SEMA5A: variants seen among roughly 807,000 people sequenced by gnomAD.
The protein encoded by SEMA5A is semaphorin 5A.
A neutral mutation model predicts 135.5 loss-of-function variants in SEMA5A; 55 were observed. The observed-to-expected ratio is 0.41, with a 90% CI of 0.33 to 0.51. The LOEUF (loss-of-function observed/expected upper bound fraction) is 0.51, where lower values mean the gene tolerates loss of function less well. Among genes scored for constraint, SEMA5A ranks in the 20% least tolerant of loss-of-function variants. The pLI, the probability that SEMA5A is intolerant of heterozygous loss-of-function variation, is 0.37. For synonymous variants in SEMA5A, 580 were observed against 546.5 expected (o/e 1.06, Z -0.85); for missense variants, 1,290 against 1,419.9 (o/e 0.91, Z 1.47).
At chr5:9,182,708 A>G (rs757999938) in intron 11 of SEMA5A, among the ~76,000 whole-genome samples, 1 of 150,822 alleles carries the variant, frequency 6.6e-6, no homozygotes, top group Non-Finnish European at 1.5e-5. Flanking sequence ...CAATGCAATG[A>G]CATCTAGAAT....
rs116838978 is a variant in SEMA5A, at chr5:9,436,303, C to G, written c.-78+1453G>C. 2.8e-3 allele frequency among the ~76,000 whole-genome samples: 422 copies of G among 152,350 alleles called. 5 individuals carry two copies. The highest frequency in any genetic ancestry group is 9.2e-3 in the African/African-American group (382 of 41,578). Reference sequence around the variant, plus strand: ...GCTCCATGTGGTCATTCTTCCAGCTCTCAGGTGCTGTGGTTCTCCATGGGG... The same window carrying G: ...GCTCCATGTGGTCATTCTTCCAGCTGTCAGGTGCTGTGGTTCTCCATGGGG... On this transcript the variant is annotated intron_variant, in intron 2 of 22. Transcript: ENST00000382496.
At chr5:9,070,562 T>G (rs1737719000) in intron 16 of SEMA5A, among the ~76,000 whole-genome samples, 1 of 152,184 alleles carries the variant, frequency 6.6e-6, no homozygotes, top group Non-Finnish European at 1.5e-5. Flanking sequence ...TCTATGGAGA[T>G]GAAGTTTAAT....
At chr5:9,467,935 G>T (rs887208787) in intron 1 of SEMA5A, among the ~76,000 whole-genome samples, 1 of 152,234 alleles carries the variant, frequency 6.6e-6, no homozygotes. Flanking sequence ...GACTAGCAGA[G>T]TCTAACTAAT....
intron 11 of SEMA5A, among the ~76,000 whole-genome samples, chr5:9,165,958 A>T (rs888250305): frequency 7.9e-5 from 12 of 152,182 alleles, no homozygotes; most frequent in African/African-American, 2.9e-4. Flanking sequence ...ATAGAAAAGG[A>T]GAATTCAGAG....
intron 5 of SEMA5A, among the ~76,000 whole-genome samples, chr5:9,249,895 A>C (rs1446216859): frequency 6.6e-6 from 1 of 152,162 alleles, no homozygotes; most frequent in Non-Finnish European, 1.5e-5. Flanking sequence ...TAAGCTGGAG[A>C]ACTGGACCCC....
chr5:9,117,495 A>T (rs1740581413), intron 15 of SEMA5A, among the ~76,000 whole-genome samples: 1 of 152,238 alleles, frequency 6.6e-6, no homozygotes, highest in South Asian at 2.1e-4. Context: ...CCAAGTCTAA[A>T]TACAAAATTC....
chr5:9,265,930 A>G (rs1041570500), intron 5 of SEMA5A, among the ~76,000 whole-genome samples: 6 of 152,182 alleles, frequency 3.9e-5, no homozygotes, highest in African/African-American at 9.7e-5. Context: ...TTTGCGGAGG[A>G]AGACCAAAGA....
intron 5 of SEMA5A, among the ~76,000 whole-genome samples, chr5:9,257,560 T>G (rs1749141880): frequency 1.3e-5 from 2 of 151,756 alleles, no homozygotes; most frequent in African/African-American, 2.4e-5. Context: ...ACACAAAATG[T>G]GTGGTTTATA....
chr5:9,184,834 C>T (rs1744721065), intron 11 of SEMA5A, among the ~76,000 whole-genome samples: 1 of 152,076 alleles, frequency 6.6e-6, no homozygotes, highest in South Asian at 2.1e-4. Context: ...CCTTCTATTC[C>T]ATTTGCTTTT....
intron 5 of SEMA5A, among the ~76,000 whole-genome samples, chr5:9,313,380 T>C (rs2150653235): frequency 1.3e-5 from 2 of 152,238 alleles, no homozygotes; most frequent in South Asian, 4.1e-4. Flanking sequence ...TTCTTATAAC[T>C]CTAGCTTCTG....
chr5:9,059,507 T>G (rs1737068603), intron 18 of SEMA5A, among the ~76,000 whole-genome samples: 1 of 152,178 alleles, frequency 6.6e-6, no homozygotes. Flanking sequence ...GAGGTAAAAT[T>G]TTTTCATTGA....
At chr5:9,207,102 G>GTGTATATATATA (rs1405308378) in intron 8 of SEMA5A, among the ~76,000 whole-genome samples, 17 of 97,670 alleles carry the variant, frequency 1.7e-4, no homozygotes, top group East Asian at 1.3e-3. Flanking sequence ...ATGATCAAGT[G>GTGTATATATATA]TATATATATA....
chr5:9,423,315 T>A (rs1288115374), intron 2 of SEMA5A, among the ~76,000 whole-genome samples: 2 of 152,230 alleles, frequency 1.3e-5, no homozygotes, highest in Non-Finnish European at 2.9e-5. Context: ...ATTTTACCAA[T>A]GAAATGATCC....
intron 4 of SEMA5A, among the ~76,000 whole-genome samples, chr5:9,328,722 G>A (rs1752985351): frequency 6.6e-6 from 1 of 152,148 alleles, no homozygotes; most frequent in Non-Finnish European, 1.5e-5. Context: ...GTTGCAGTGA[G>A]CCGAGATCAT....
chr5:9,334,343 G>A (rs1290260905), intron 4 of SEMA5A, among the ~76,000 whole-genome samples: 1 of 152,166 alleles, frequency 6.6e-6, no homozygotes, highest in Non-Finnish European at 1.5e-5. Context: ...AGGAATCTGA[G>A]GGCTGGGTTA....
rs142323447 is a variant in SEMA5A at position 9,477,267 on chromosome 5, G to C, written c.-174-39415C>G. On this transcript the variant is annotated intron_variant, in intron 1 of 22. Transcript: ENST00000382496. Reference sequence around the variant, plus strand: ...TTTATAAATTACCAAATGTCAGATAGTTCTTTATAGCAGTGAAAACAGGAA... The same window carrying C: ...TTTATAAATTACCAAATGTCAGATACTTCTTTATAGCAGTGAAAACAGGAA... 5.4e-3 allele frequency among the ~76,000 whole-genome samples: 827 copies of C among 152,250 alleles called. 12 individuals carry two copies. Among genetic ancestry groups the C allele is most frequent in the African/African-American group, 0.019 (778 of 41,552 alleles).
chr5:9,440,527 C>T (rs1272455116), intron 1 of SEMA5A, among the ~76,000 whole-genome samples: 1 of 152,150 alleles, frequency 6.6e-6, no homozygotes, highest in Admixed American at 6.5e-5. Flanking sequence ...CAGAGTTCTG[C>T]CTCTTAAAAA....
intron 5 of SEMA5A, among the ~76,000 whole-genome samples, chr5:9,297,362 C>CATGATAACTAAGGA (rs1751390096): frequency 1.3e-5 from 2 of 151,988 alleles, no homozygotes; most frequent in Non-Finnish European, 2.9e-5. Context: ...CCTCTCAAGG[C>CATGATAACTAAGGA]CTGCAGGTGG....
chr5:9,255,298 A>T lies in SEMA5A; in HGVS notation c.271-17408T>A, dbSNP rs527695143. On this transcript the variant is annotated intron_variant, in intron 5 of 22. Transcript: ENST00000382496. The stretch of plus-strand genomic sequence containing the variant: ...AGAAGTCACCTACAATTGCTCACAC[A>T]ATCATCCATCTGCATTTGTCATAGC... Among the ~76,000 whole-genome samples, 76 of 152,300 alleles carry T rather than the reference A, an allele frequency of 5.0e-4. 1 individual carries two copies. The highest frequency in any genetic ancestry group is 1.7e-3 in the African/African-American group (70 of 41,564).
Sources: allele counts gnomAD v4.1 joint callset (sites outside exome capture counted in the v4.1 genomes callset), GRCh38; gene constraint gnomAD v4.1.1; transcripts MANE v1.5; gene names NCBI Gene and HGNC (gene_info 2026-07-23, HGNC 2026-07-21).